Variants in PPP6R2 observed in about 807,000 individuals in gnomAD.
The protein encoded by PPP6R2 is serine/threonine-protein phosphatase 6 regulatory subunit 2.
In PPP6R2, 62 loss-of-function variants were observed where a neutral mutation model predicts 100.2. That is an observed-to-expected ratio of 0.62 (90% confidence interval 0.50 to 0.76). The LOEUF (loss-of-function observed/expected upper bound fraction) is 0.76, where lower values mean the gene tolerates loss of function less well. Among genes scored for constraint, PPP6R2 ranks in the 30% least tolerant of loss-of-function variants. The probability of loss-of-function intolerance (pLI) is 0.00; values close to 1 mark genes in which losing one functional copy is unlikely to be tolerated. For missense variants in PPP6R2, 1,142 were observed against 1,276.3 expected (o/e 0.89, Z 1.60); for synonymous variants, 525 against 514.7 (o/e 1.02, Z -0.27).
chr22:50,378,602 T>A (rs920227548), intron 2 of PPP6R2, among the ~76,000 whole-genome samples: 1 of 151,654 alleles, frequency 6.6e-6, no homozygotes, highest in Non-Finnish European at 1.5e-5. Flanking sequence ...AATTATCTAC[T>A]GTAGTTGAAT....
Position 50,404,740 on chromosome 22 carries a change from A to G in PPP6R2, c.228-1949A>G, listed in dbSNP as rs965694272. 2.0e-5 allele frequency among the ~76,000 whole-genome samples: 3 copies of G among 151,434 alleles called. No homozygotes were observed. In the Admixed American group the frequency reaches 2.0e-4, roughly 10 times the overall value. ...GGTGTAAGCCACCGTGCCCGTCCTT[A>G]CCTGCACGTTCAGATGAGAAAACCC... On this transcript the variant is annotated intron_variant, in intron 3 of 23. Coordinates refer to ENST00000612753, the MANE Select transcript of PPP6R2 (RefSeq NM_001242898.2).
chr22:50,372,977 G>A (rs565774953), intron 2 of PPP6R2, among the ~76,000 whole-genome samples: 7 of 152,152 alleles, frequency 4.6e-5, no homozygotes, highest in South Asian at 2.1e-4. Flanking sequence ...GTGAGCCACC[G>A]CGCCCTGTCC....
chr22:50,398,192 G>A (rs1357285126), intron 3 of PPP6R2, among the ~76,000 whole-genome samples: 2 of 145,574 alleles, frequency 1.4e-5, no homozygotes, highest in Non-Finnish European at 3.0e-5. Flanking sequence ...TTTGGTCTGA[G>A]ATGGAGTCTC....
At chr22:50,369,093 C>G (rs1175972650) in intron 1 of PPP6R2, among the ~76,000 whole-genome samples, 1 of 151,934 alleles carries the variant, frequency 6.6e-6, no homozygotes, top group Non-Finnish European at 1.5e-5. Context: ...ACAAAATTAG[C>G]TGGGTGTGGT....
chr22:50,375,543 G>C (rs957077815), intron 2 of PPP6R2, among the ~76,000 whole-genome samples: 1 of 152,118 alleles, frequency 6.6e-6, no homozygotes, highest in Non-Finnish European at 1.5e-5. Flanking sequence ...CAAGGTGTGA[G>C]GGCAGACTAG....
chr22:50,443,887 G>A lies in PPP6R2; in HGVS notation c.2601G>A (p.Arg867=). 2 of 1,584,686 alleles carry A rather than the reference G, an allele frequency of 1.3e-6. No individual in the cohort carries two copies. The highest frequency in any genetic ancestry group is 4.6e-5 in the East Asian group (2 of 43,092). The change falls in exon 23 of 24, where the codon CGG becomes CGA. Residue 867 remains arginine, a synonymous_variant. Coordinates refer to ENST00000612753, the MANE Select transcript of PPP6R2 (RefSeq NM_001242898.2). ...ACAGGGTCGGGTGTGCTGACAGCCG[G>A]CTGTTAAGCCCTGCCTGCCCCGCGC... is the stretch of plus-strand genomic sequence containing the variant. The part of the protein sequence containing the change: ...AVGRVGCADS[R]LLSPACPAPK...
chr22:50,435,534 T>A (rs934615000), intron 13 of PPP6R2, among the ~76,000 whole-genome samples: 4 of 152,206 alleles, frequency 2.6e-5, no homozygotes, highest in African/African-American at 9.7e-5. Flanking sequence ...GCAGCCTGTT[T>A]CTTAAGAACG....
At chr22:50,339,726 G>T (rs368473392), upstream of PPP6R2, among the ~76,000 whole-genome samples, 1,438 of 141,060 alleles carry the variant, frequency 0.01, 22 homozygotes, top group African/African-American at 0.037. Context: ...TAGGGTGTGT[G>T]TTGTGTGTGT....
At chr22:50,427,967 A>G (rs370058294) in intron 10 of PPP6R2, among the ~76,000 whole-genome samples, 9 of 152,162 alleles carry the variant, frequency 5.9e-5, no homozygotes, top group South Asian at 2.1e-4. Flanking sequence ...TGATCCGCCC[A>G]CCTTGGCCTC....
At chr22:50,394,192 A>G (rs2148890710) in intron 3 of PPP6R2, 57 bp downstream of exon 3, 2 of 1,596,540 alleles carry the variant, frequency 1.3e-6, no homozygotes, top group Non-Finnish European at 1.7e-6. Context: ...GGCAGGCCGC[A>G]GGCAGTGTCT....
intron 8 of PPP6R2, among the ~76,000 whole-genome samples, 189 bp downstream of exon 8, chr22:50,419,651 C>G (rs1206054482): frequency 6.6e-6 from 1 of 152,248 alleles, no homozygotes; most frequent in Admixed American, 6.5e-5. Flanking sequence ...AGACCCTCAT[C>G]ATCACTGGTG....
intron 18 of PPP6R2, 146 bp from the exon 19 acceptor site, chr22:50,438,452 GC>G: frequency 1.4e-6 from 2 of 1,436,752 alleles, no homozygotes; most frequent in Admixed American, 2.1e-5. Flanking sequence ...ACCCTAAGGA[GC>G]CCAGAGCTGA....
intron 21 of PPP6R2, among the ~76,000 whole-genome samples, chr22:50,440,543 C>G (rs549386341): frequency 1.4e-4 from 21 of 152,344 alleles, no homozygotes; most frequent in Middle Eastern, 3.4e-3. Context: ...CAGGACCACA[C>G]GAGGCGGAGT....
At chr22:50,387,818 C>T (rs189537533) in intron 2 of PPP6R2, among the ~76,000 whole-genome samples, 2 of 152,280 alleles carry the variant, frequency 1.3e-5, no homozygotes, top group Non-Finnish European at 2.9e-5. Context: ...CGTCTCTTTA[C>T]GCTGAGGGTC....
intron 1 of PPP6R2, among the ~76,000 whole-genome samples, chr22:50,354,550 G>T (rs1375647921): frequency 6.6e-6 from 1 of 151,952 alleles, no homozygotes; most frequent in African/African-American, 2.4e-5. Context: ...TTGTAGGTGG[G>T]CACGGCGCCT....
intron 1 of PPP6R2, among the ~76,000 whole-genome samples, chr22:50,370,145 CTTTT>C (rs58582498): frequency 6.6e-6 from 1 of 151,226 alleles, no homozygotes; most frequent in Non-Finnish European, 1.5e-5. Flanking sequence ...GTGATCGACA[CTTTT>C]TTTTTATTTT....
intron 5 of PPP6R2, among the ~76,000 whole-genome samples, chr22:50,414,935 G>A (rs554688744): frequency 9.2e-5 from 14 of 152,226 alleles, no homozygotes; most frequent in Admixed American, 2.0e-4. Flanking sequence ...TCCAGCCTCC[G>A]GCTCTGTGAA....
chr22:50,391,484 C>G (rs2055537747), intron 2 of PPP6R2, among the ~76,000 whole-genome samples: 2 of 139,350 alleles, frequency 1.4e-5, no homozygotes, highest in Admixed American at 7.4e-5. Context: ...CATGGTATTT[C>G]TTGGTTGTAT....
chr22:50,432,116 G>C (rs747735940), intron 11 of PPP6R2, 149 bp from the exon 12 acceptor site: 8 of 700,998 alleles, frequency 1.1e-5, no homozygotes, highest in Admixed American at 5.0e-5. Flanking sequence ...GGACCGCGGA[G>C]GCTGGGGCTG....
Sources: gnomAD v4.1 joint callset for allele counts (sites outside exome capture counted in the v4.1 genomes callset) on GRCh38, gnomAD v4.1.1 for gene constraint, MANE v1.5 for transcripts, NCBI Gene and HGNC (gene_info 2026-07-23, HGNC 2026-07-21) for gene names.